LAP3: variants seen among roughly 807,000 people sequenced by gnomAD.
LAP3 encodes the protein cytosol aminopeptidase.
Under a neutral mutation model 58.8 loss-of-function variants are expected in LAP3, and 46 were observed. The ratio of observed to expected loss-of-function variants is 0.78; its 90% CI spans 0.62 to 1.00. The LOEUF is 1.00. Ranked by LOEUF, LAP3 falls within the 50% of genes least tolerant of loss-of-function variation. The pLI is 0.00. For synonymous variants in LAP3, 257 were observed against 237.7 expected, an observed-to-expected ratio of 1.08 and a Z score of -0.75; for missense variants, 615 against 659.1, an observed-to-expected ratio of 0.93 and a Z score of 0.73.
At chr4:17,605,427 G>C (rs1714101429) in intron 11 of LAP3, among the ~76,000 whole-genome samples, 1 of 152,096 alleles carries the variant, frequency 6.6e-6, no homozygotes, top group Admixed American at 6.5e-5. Flanking sequence ...TTGCCTGATG[G>C]CTCCCATCTC....
Position 17,597,009 on chromosome 4 carries a change from G to A in LAP3, c.989-37G>A. The A allele has an allele frequency of 1.9e-6, 3 of 1,601,136 alleles. No homozygotes were observed. In the South Asian group the frequency reaches 3.3e-5, roughly 18 times the overall value. On this transcript the variant is annotated intron_variant, in intron 8 of 12. Transcript: ENST00000226299. ...CCCATAGGTGGCATGTTTGGACCCA[G>A]TATATACTGTGTGCCTTCATATATT...
At chr4:17,578,597 C>G (rs115041118) in intron 1 of LAP3, among the ~76,000 whole-genome samples, 192 of 152,282 alleles carry the variant, frequency 1.3e-3, no homozygotes, top group African/African-American at 4.4e-3. Context: ...CCTTATCGGT[C>G]AAGGGGGATA....
At chr4:17,605,331 G>C (rs976731093) in intron 11 of LAP3, among the ~76,000 whole-genome samples, 1 of 152,084 alleles carries the variant, frequency 6.6e-6, no homozygotes, top group Non-Finnish European at 1.5e-5. Flanking sequence ...GTTCCCTTTG[G>C]CCGCCCTTTG....
At chr4:17,577,801 C>T (rs1713249460) in intron 1 of LAP3, among the ~76,000 whole-genome samples, 5 of 152,382 alleles carry the variant, frequency 3.3e-5, no homozygotes, top group African/African-American at 1.2e-4. Context: ...GTTGTAGCCG[C>T]CCTTTACCCG....
intron 7 of LAP3, among the ~76,000 whole-genome samples, chr4:17,591,855 G>GC (rs1713695472): frequency 6.6e-6 from 1 of 152,158 alleles, no homozygotes; most frequent in Admixed American, 6.5e-5. Flanking sequence ...TCTGCTCTGA[G>GC]AACAGTTGGC....
Position 17,582,277 on chromosome 4 carries a change from C to A in LAP3, c.274-11C>A. On this transcript the variant is annotated splice_polypyrimidine_tract_variant and intron_variant, in intron 3 of 12. Coordinates refer to ENST00000226299, the MANE Select transcript of LAP3 (RefSeq NM_015907.3). Reference sequence around the variant, plus strand: ...AAATAAAGTGGTTGATTTGGTGTATCTGTGGGACAGGACTTCCCCAGCGTG... The same window carrying A: ...AAATAAAGTGGTTGATTTGGTGTATATGTGGGACAGGACTTCCCCAGCGTG... 6.2e-7 allele frequency: 1 copy of A among 1,607,880 alleles called. No homozygotes were observed. The highest frequency in any genetic ancestry group is 8.5e-7 in the Non-Finnish European group (1 of 1,174,562).
At chr4:17,601,748 G>A (rs1358008924) in intron 10 of LAP3, among the ~76,000 whole-genome samples, 1 of 152,072 alleles carries the variant, frequency 6.6e-6, no homozygotes, top group African/African-American at 2.4e-5. Flanking sequence ...TAAATGCTAT[G>A]TAAATATTCG....
intron 10 of LAP3, 48 bp from the exon 11 acceptor site, chr4:17,604,540 A>G: frequency 1.4e-6 from 2 of 1,463,578 alleles, no homozygotes; most frequent in East Asian, 4.5e-5. Flanking sequence ...GGAGGAGCCC[A>G]TTTTGCCTGG....
chr4:17,589,462 C>T (rs977813913), intron 7 of LAP3, among the ~76,000 whole-genome samples: 7 of 152,096 alleles, frequency 4.6e-5, no homozygotes, highest in African/African-American at 1.7e-4. Flanking sequence ...ATGTCAGAGA[C>T]TATCAGGTAT....
chr4:17,577,457 G>C lies in LAP3; in HGVS notation c.-9G>C. ...GCTGGAGGGCGGTGCGAGGGGCCGAGCCGACAAGATGTTCTTGCTGCCTCT... is the reference window on the plus strand; with the variant it reads ...GCTGGAGGGCGGTGCGAGGGGCCGACCCGACAAGATGTTCTTGCTGCCTCT... On this transcript the variant is annotated 5_prime_UTR_variant, in exon 1 of 13. Transcript: ENST00000226299. 1 of 1,555,988 alleles carries C rather than the reference G, an allele frequency of 6.4e-7. No homozygotes were observed. The highest frequency in any genetic ancestry group is 1.2e-5 in the South Asian group (1 of 84,444).
At chr4:17,605,088 CCAGCCTCTTCCCAGCAGT>C (rs1714086365) in intron 11 of LAP3, among the ~76,000 whole-genome samples, 1 of 150,874 alleles carries the variant, frequency 6.6e-6, no homozygotes, top group Admixed American at 6.7e-5. Flanking sequence ...CCCTTCACAG[CCAGCCTCTTCCCAGCAGT>C]CACCCTCACT....
rs564086744 is a variant in LAP3 at position 17,584,790 on chromosome 4, C to T, written c.540-182C>T. On this transcript the variant is annotated intron_variant, in intron 5 of 12. Transcript: ENST00000226299. ...TGTGGCCATGTTTTCTAGCTTTCTG[C>T]ACCATACCATCTGCTGCCCTGGGTC... 7.3e-6 allele frequency: 4 copies of T among 547,156 alleles called. No homozygotes were observed. The Admixed American group carries it at 1.3e-4, about 18-fold the overall frequency. 33.9% of individuals were successfully genotyped at this position (547,156 alleles called of 1,614,324 possible).
intron 7 of LAP3, among the ~76,000 whole-genome samples, chr4:17,589,493 C>T (rs1032502413): frequency 6.6e-6 from 1 of 152,156 alleles, no homozygotes. Context: ...TTAGCCCTAA[C>T]CATACCCCTG....
chr4:17,597,013 A>C (rs373105110), intron 8 of LAP3, 33 bp from the exon 9 acceptor site: 1 of 1,607,844 alleles, frequency 6.2e-7, no homozygotes, highest in Non-Finnish European at 8.5e-7. Flanking sequence ...GACCCAGTAT[A>C]TACTGTGTGC....
In LAP3 at chr4:17,583,692, G is replaced by A. The variant is rs758232074; in HGVS notation, c.539+50G>A. ...GGTGGTGCTCCCTGGCGTTCTGACA[G>A]CCTGGCTTTTGGGATATGAGCTGCC... On this transcript the variant is annotated intron_variant, in intron 5 of 12. Transcript: ENST00000226299. The A allele has an allele frequency of 8.1e-6, 13 of 1,607,226 alleles. No individual in the cohort carries two copies. The Admixed American group carries it at 2.2e-4, about 27-fold the overall frequency.
chr4:17,602,012 T>C (rs137921788), intron 10 of LAP3, among the ~76,000 whole-genome samples: 1,775 of 152,280 alleles, frequency 0.012, 38 homozygotes, highest in African/African-American at 0.04. Flanking sequence ...AGCAGTTTCA[T>C]GTAAAGACAT....
At chr4:17,584,543 C>T (rs770090135) in intron 5 of LAP3, among the ~76,000 whole-genome samples, 2 of 152,220 alleles carry the variant, frequency 1.3e-5, no homozygotes. Flanking sequence ...TCAGTTGCCA[C>T]GTTAGAGCCA....
chr4:17,577,556 G>A lies in LAP3; in HGVS notation c.91G>A (p.Asp31Asn), dbSNP rs774984923. ...CGGGAGCCGGAGTCTCTCCACCGCA[G>A]ACATGACGAAGGTGAGAGGCGGCGG... ...RFGSRSLSTA[D>N]MTKGLVLGIY... The change falls in exon 1 of 13, where the codon GAC becomes AAC. Residue 31 changes from aspartate to asparagine, a missense_variant. By Grantham distance (23) the Asp-to-Asn change is conservative. Coordinates refer to ENST00000226299, the MANE Select transcript of LAP3 (RefSeq NM_015907.3). The A allele has an allele frequency of 1.1e-5, 17 of 1,562,150 alleles. No individual in the cohort carries two copies. The highest frequency in any genetic ancestry group is 1.4e-5 in the Non-Finnish European group (16 of 1,154,632).
rs540724952 is a variant in LAP3, at chr4:17,586,925, G to A, written c.704+1789G>A. Among the ~76,000 whole-genome samples, 95 of 152,270 alleles carry A rather than the reference G, an allele frequency of 6.2e-4. 1 individual carries two copies. Among genetic ancestry groups the A allele is most frequent in the Non-Finnish European group, 1.1e-3 (77 of 68,034 alleles). On this transcript the variant is annotated intron_variant, in intron 6 of 12. Transcript: ENST00000226299. ...ATTCAAGACCAGCCTGGCCAACATGGCGAAACACCATCTCTACTAAAAGTA... is the reference window on the plus strand; with the variant it reads ...ATTCAAGACCAGCCTGGCCAACATGACGAAACACCATCTCTACTAAAAGTA...
Sources: allele counts gnomAD v4.1 joint callset (sites outside exome capture counted in the v4.1 genomes callset), GRCh38; gene constraint gnomAD v4.1.1; transcripts MANE v1.5; gene names NCBI Gene and HGNC (gene_info 2026-07-23, HGNC 2026-07-21).